Variants in SCIN observed in about 807,000 individuals in gnomAD.
The protein encoded by SCIN is scinderin.
In SCIN, 91 loss-of-function variants were observed where a neutral mutation model predicts 91.8. The observed-to-expected ratio is 0.99, with a 90% CI of 0.84 to 1.18. SCIN has a LOEUF of 1.18. Among genes scored for constraint, SCIN ranks in the 50% most tolerant of loss-of-function variants. SCIN has a pLI of 0.00. For missense variants in SCIN, 1,087 were observed against 863.9 expected, an observed-to-expected ratio of 1.26 and a Z score of -3.24; for synonymous variants, 367 against 312.6, an observed-to-expected ratio of 1.17 and a Z score of -1.84.
chr7:12,629,021 C>T, intron 8 of SCIN, 80 bp from the exon 9 acceptor site: 3 of 1,238,800 alleles, frequency 2.4e-6, no homozygotes, highest in African/African-American at 1.6e-5. Context: ...GGATTTGAAC[C>T]AAAAATTATT....
rs1187330528 is a variant in SCIN, at chr7:12,604,474, T to C, written c.517-40T>C. ...ATTACACTGAGGCTGAATGTCTTCC[T>C]CATATTCTTAGGGTCAACAGATCTG... On this transcript the variant is annotated intron_variant, in intron 3 of 15. Transcript: ENST00000297029. 2.6e-6 allele frequency: 4 copies of C among 1,536,680 alleles called. No individual in the cohort carries two copies. In the African/African-American group the frequency reaches 5.5e-5, roughly 21 times the overall value.
At chr7:12,618,108 C>T (rs1189758472) in intron 4 of SCIN, among the ~76,000 whole-genome samples, 2 of 152,112 alleles carry the variant, frequency 1.3e-5, no homozygotes, top group East Asian at 3.9e-4. Flanking sequence ...CCACAGCATT[C>T]CCTGAGGCCT....
At chr7:12,591,078 G>A (rs1350140456) in intron 3 of SCIN, among the ~76,000 whole-genome samples, 1 of 152,118 alleles carries the variant, frequency 6.6e-6, no homozygotes, top group Non-Finnish European at 1.5e-5. Flanking sequence ...ATGAATAGTT[G>A]ATCATCGGGG....
chr7:12,639,300 C>T (rs746359935), intron 10 of SCIN, among the ~76,000 whole-genome samples: 1 of 152,208 alleles, frequency 6.6e-6, no homozygotes, highest in Non-Finnish European at 1.5e-5. Flanking sequence ...ACTGACAAAA[C>T]GTTTCCATAA....
chr7:12,627,941 G>A (rs2115277006), intron 8 of SCIN, among the ~76,000 whole-genome samples: 1 of 152,194 alleles, frequency 6.6e-6, no homozygotes, highest in African/African-American at 2.4e-5. Flanking sequence ...CTCTCTAGAA[G>A]CACTGCACTG....
intron 7 of SCIN, chr7:12,626,236 C>G (rs1783519219): frequency 3.2e-6 from 1 of 314,432 alleles, no homozygotes; most frequent in Non-Finnish European, 5.8e-6. Context: ...TACTCCTTTC[C>G]TTTCCGAATC....
At chr7:12,612,446 G>A (rs1383563540) in intron 4 of SCIN, among the ~76,000 whole-genome samples, 1 of 152,140 alleles carries the variant, frequency 6.6e-6, no homozygotes, top group Non-Finnish European at 1.5e-5. Flanking sequence ...CAAGCAAGTA[G>A]GAATCTTTCT....
At chr7:12,648,407 C>T (rs980272675) in intron 13 of SCIN, among the ~76,000 whole-genome samples, 1 of 151,544 alleles carries the variant, frequency 6.6e-6, no homozygotes, top group Non-Finnish European at 1.5e-5. Context: ...AGCAATTCTC[C>T]TACATCAGCC....
intron 9 of SCIN, among the ~76,000 whole-genome samples, chr7:12,631,410 C>T (rs1487816968): frequency 6.6e-6 from 1 of 152,154 alleles, no homozygotes; most frequent in East Asian, 1.9e-4. Context: ...AGACCCTCCA[C>T]CATACCCCTA....
At chr7:12,625,931 T>C (rs1232149903) in intron 7 of SCIN, 81 bp downstream of exon 7, 3 of 1,039,124 alleles carry the variant, frequency 2.9e-6, no homozygotes, top group Non-Finnish European at 4.2e-6. Context: ...ATGAAAAAGT[T>C]TGGGTCAAAG....
At chr7:12,571,490 T>C (rs2115194952) in intron 1 of SCIN, 1 of 385,422 alleles carries the variant, frequency 2.6e-6, no homozygotes, top group Admixed American at 3.9e-5. Flanking sequence ...TTTCGGGCAC[T>C]GGCTTATTTT....
Position 12,644,375 on chromosome 7 carries a change from T to C in SCIN, c.1759+60T>C, listed in dbSNP as rs116080535. 982 of 1,510,054 alleles carry C rather than the reference T, an allele frequency of 6.5e-4. 2 individuals are homozygous for C. The African/African-American group carries it at 0.012, about 19-fold the overall frequency. 93.5% of individuals were successfully genotyped at this position (1,510,054 alleles called of 1,614,324 possible). A position where few individuals can be genotyped will look rare whatever the true frequency, so the allele number is the denominator to read the frequency against. On this transcript the variant is annotated intron_variant, in intron 12 of 15. Coordinates refer to ENST00000297029, the MANE Select transcript of SCIN (RefSeq NM_001112706.3). ...TTTATACTGATACGATTGCTAATCA[T>C]CTTTTTTTCACCAAAAAGTCACTTT...
chr7:12,574,346 G>C lies in SCIN; in HGVS notation c.199+3361G>C, dbSNP rs542656269. Among the ~76,000 whole-genome samples the C allele has an allele frequency of 4.6e-5, 7 of 152,234 alleles. No homozygotes were observed. The South Asian group carries it at 1.5e-3, about 32-fold the overall frequency. Reference sequence around the variant, plus strand: ...AAATTTTTGAAATGACAAAATTTTAGATTTGGCATTGCCGTTGGTTACAGA... The same window carrying C: ...AAATTTTTGAAATGACAAAATTTTACATTTGGCATTGCCGTTGGTTACAGA... On this transcript the variant is annotated intron_variant, in intron 1 of 15. Coordinates refer to ENST00000297029, the MANE Select transcript of SCIN (RefSeq NM_001112706.3).
At chr7:12,614,928 A>T (rs961028784) in intron 4 of SCIN, among the ~76,000 whole-genome samples, 3 of 152,196 alleles carry the variant, frequency 2.0e-5, no homozygotes, top group Non-Finnish European at 2.9e-5. Context: ...GATCAAGGTG[A>T]TATGGGCAGA....
chr7:12,579,898 G>A (rs1782453693), intron 2 of SCIN, among the ~76,000 whole-genome samples: 2 of 152,170 alleles, frequency 1.3e-5, no homozygotes, highest in African/African-American at 4.8e-5. Flanking sequence ...TGGGAGACAT[G>A]AGTGAAACTC....
intron 1 of SCIN, among the ~76,000 whole-genome samples, chr7:12,575,514 T>C (rs1176638872): frequency 6.6e-6 from 1 of 152,090 alleles, no homozygotes; most frequent in Non-Finnish European, 1.5e-5. Flanking sequence ...CGTTGGAAGG[T>C]GTTCCTCTCT....
In SCIN at chr7:12,629,114, A is replaced by G; in HGVS notation, c.1211A>G (p.Glu404Gly). 1 of 1,612,182 alleles carries G rather than the reference A, an allele frequency of 6.2e-7. No homozygotes were observed. The change falls in exon 9 of 16, where the codon GAA (glutamate) becomes GGA (glycine). Residue 404 changes from glutamate to glycine, a missense_variant. Transcript: ENST00000297029. Reference sequence around the variant, plus strand: ...CATTCCTTCCAGATTTGGCGTGTAGAAAACAATGGTAGGATCCAAGTTGAC... The same window carrying G: ...CATTCCTTCCAGATTTGGCGTGTAGGAAACAATGGTAGGATCCAAGTTGAC... ...GSGKVEIWRV[E>G]NNGRIQVDQN...
chr7:12,591,932 G>A (rs900931007), intron 3 of SCIN, among the ~76,000 whole-genome samples: 15 of 152,270 alleles, frequency 9.9e-5, no homozygotes, highest in South Asian at 4.1e-4. Flanking sequence ...AGCAGTGGCC[G>A]TGTGAGTTTG....
In SCIN at chr7:12,651,815, C is replaced by T; in HGVS notation, c.1960-26C>T. ...CTGAGTCAACATCCCAGAAATCATA[C>T]ATATTGTTATTGTTTCATTTTTCAG... On this transcript the variant is annotated intron_variant, in intron 14 of 15. Transcript: ENST00000297029. The surrounding 1 kb of genome is among the most constrained non-coding windows in gnomAD (Gnocchi z 5.9). 1 of 1,437,750 alleles carries T rather than the reference C, an allele frequency of 7.0e-7. No homozygotes were observed. 89.1% of individuals were successfully genotyped at this position (1,437,750 alleles called of 1,614,324 possible). A position where few individuals can be genotyped will look rare whatever the true frequency, so the allele number is the denominator to read the frequency against.
Sources: allele counts gnomAD v4.1 joint callset (sites outside exome capture counted in the v4.1 genomes callset), GRCh38; gene constraint gnomAD v4.1.1; non-coding constraint Gnocchi (gnomAD v3.1); transcripts MANE v1.5; gene names NCBI Gene and HGNC (gene_info 2026-07-23, HGNC 2026-07-21).